Variants in ST8SIA4 observed in about 807,000 individuals in gnomAD.
ST8SIA4 encodes the protein CMP-N-acetylneuraminate-poly-alpha-2,8-sialyltransferase.
Under a neutral mutation model 33.9 loss-of-function variants are expected in ST8SIA4, and 15 were observed. The observed-to-expected ratio is 0.44, with a 90% CI of 0.30 to 0.68. The LOEUF (loss-of-function observed/expected upper bound fraction) is 0.68. Ranked by LOEUF, ST8SIA4 falls within the 30% of genes least tolerant of loss-of-function variation. ST8SIA4 has a pLI of 0.10. For synonymous variants in ST8SIA4, 171 were observed against 151.2 expected, an observed-to-expected ratio of 1.13 and a Z score of -0.96; for missense variants, 321 against 428.0, an observed-to-expected ratio of 0.75 and a Z score of 2.21.
At chr5:100,833,643 A>C (rs967455241) in intron 4 of ST8SIA4, among the ~76,000 whole-genome samples, 3 of 152,086 alleles carry the variant, frequency 2.0e-5, no homozygotes, top group Middle Eastern at 3.4e-3. Context: ...AATCACTTGT[A>C]ATAATGATTG....
At chr5:100,812,537 C>T (rs1561381644) in intron 4 of ST8SIA4, among the ~76,000 whole-genome samples, 2 of 152,032 alleles carry the variant, frequency 1.3e-5, no homozygotes, top group Admixed American at 1.3e-4. Context: ...GAAACTATGC[C>T]TATAGATTTT....
intron 3 of ST8SIA4, among the ~76,000 whole-genome samples, chr5:100,883,943 G>A (rs1752482244): frequency 6.6e-6 from 1 of 152,164 alleles, no homozygotes; most frequent in Non-Finnish European, 1.5e-5. Context: ...GAAGTGCTAA[G>A]GCTATTCTGC....
chr5:100,821,587 T>C (rs1211553963), intron 4 of ST8SIA4, among the ~76,000 whole-genome samples: 3 of 152,194 alleles, frequency 2.0e-5, no homozygotes, highest in Non-Finnish European at 2.9e-5. Flanking sequence ...CCCAGATAGT[T>C]GTGCTAAAAT....
At chr5:100,849,758 G>A (rs1322640499) in intron 4 of ST8SIA4, among the ~76,000 whole-genome samples, 2 of 152,046 alleles carry the variant, frequency 1.3e-5, no homozygotes, top group Non-Finnish European at 2.9e-5. Context: ...TTGCACCACC[G>A]CACTCCAGCC....
chr5:100,823,955 A>C (rs1168104352), intron 4 of ST8SIA4, among the ~76,000 whole-genome samples: 2 of 152,230 alleles, frequency 1.3e-5, no homozygotes, highest in African/African-American at 4.8e-5. Context: ...ATTAACTCAG[A>C]CTTTATAACA....
At chr5:100,815,857 T>A (rs1166982349) in intron 4 of ST8SIA4, among the ~76,000 whole-genome samples, 12 of 152,174 alleles carry the variant, frequency 7.9e-5, no homozygotes, top group Admixed American at 7.9e-4. Context: ...AAGGTTGTAA[T>A]GCTGTAAAAG....
chr5:100,863,799 A>G (rs1328341974), intron 3 of ST8SIA4, among the ~76,000 whole-genome samples: 2 of 152,222 alleles, frequency 1.3e-5, no homozygotes, highest in South Asian at 4.1e-4. Context: ...TCTGATATAA[A>G]GCAATGGATT....
intron 2 of ST8SIA4, among the ~76,000 whole-genome samples, chr5:100,890,264 G>A (rs1752631643): frequency 6.6e-6 from 1 of 151,798 alleles, no homozygotes; most frequent in South Asian, 2.1e-4. Context: ...TAAAAGCTTT[G>A]TGAATTTGCT....
At chr5:100,848,782 C>T (rs1162416410) in intron 4 of ST8SIA4, among the ~76,000 whole-genome samples, 2 of 150,532 alleles carry the variant, frequency 1.3e-5, no homozygotes, top group Non-Finnish European at 3.0e-5. Context: ...TTAATAATTG[C>T]AGAAATCAAA....
At chr5:100,891,309 T>C (rs950085415) in intron 2 of ST8SIA4, among the ~76,000 whole-genome samples, 1 of 151,992 alleles carries the variant, frequency 6.6e-6, no homozygotes, top group Non-Finnish European at 1.5e-5. Context: ...ATTAAGTTAG[T>C]ACTGACCCAG....
intron 4 of ST8SIA4, among the ~76,000 whole-genome samples, chr5:100,831,618 A>T (rs1044910729): frequency 2.6e-5 from 4 of 152,162 alleles, no homozygotes; most frequent in African/African-American, 9.7e-5. Flanking sequence ...ATGCAGAGAC[A>T]CAACTCTTCT....
chr5:100,878,287 C>T (rs1287633148), intron 3 of ST8SIA4, among the ~76,000 whole-genome samples: 1 of 152,064 alleles, frequency 6.6e-6, no homozygotes, highest in African/African-American at 2.4e-5. Context: ...AAGAGATTCT[C>T]CTGCCTCAGC....
Position 100,886,454 on chromosome 5 carries a change from A to G in ST8SIA4, c.392T>C (p.Val131Ala). 3 of 1,613,968 alleles carry G rather than the reference A, an allele frequency of 1.9e-6. No individual in the cohort carries two copies. Among genetic ancestry groups the G allele is most frequent in the Non-Finnish European group, 2.5e-6 (3 of 1,179,864 alleles). ...AAACCTGCGATTCTTCATTGGTGAA[A>G]CTTCAGGTAGGAGGCTATGTAGATC... ...SHDLHSLLPE[V>A]SPMKNRRFKT... Residue 131 changes from valine to alanine, a missense_variant, in exon 3 of 5, where the codon GTT (valine) becomes GCT (alanine). Coordinates refer to ENST00000231461, the MANE Select transcript of ST8SIA4 (RefSeq NM_005668.6).
intron 1 of ST8SIA4, among the ~76,000 whole-genome samples, chr5:100,899,355 G>T (rs1752848130): frequency 6.6e-6 from 1 of 152,214 alleles, no homozygotes; most frequent in Non-Finnish European, 1.5e-5. Flanking sequence ...ATTGTGAAAT[G>T]TGAAATGTGA....
chr5:100,824,289 A>C (rs544713827), intron 4 of ST8SIA4, among the ~76,000 whole-genome samples: 1 of 152,352 alleles, frequency 6.6e-6, no homozygotes, highest in Non-Finnish European at 1.5e-5. Context: ...GCAAGAGAAG[A>C]ATCTAGGGTA....
Position 100,836,731 on chromosome 5 carries a change from T to A in ST8SIA4, c.797+19372A>T, listed in dbSNP as rs78202586. Reference sequence around the variant, plus strand: ...ACGAAATTTAAACAATCAACTTGAATTATTCATAATTTTTAAATTCTAAAA... The same window carrying A: ...ACGAAATTTAAACAATCAACTTGAAATATTCATAATTTTTAAATTCTAAAA... On this transcript the variant is annotated intron_variant, in intron 4 of 4. Transcript: ENST00000231461. 7.1e-3 allele frequency among the ~76,000 whole-genome samples: 1,080 copies of A among 152,102 alleles called. 38 individuals carry two copies. The highest frequency in any genetic ancestry group is 0.051 in the Admixed American group (775 of 15,250).
chr5:100,889,492 T>A (rs968905070), intron 2 of ST8SIA4, among the ~76,000 whole-genome samples: 14 of 151,922 alleles, frequency 9.2e-5, no homozygotes, highest in African/African-American at 3.4e-4. Context: ...AGCTTGGAAA[T>A]CCAAAAGGGA....
chr5:100,817,811 T>G (rs973964156), intron 4 of ST8SIA4, among the ~76,000 whole-genome samples: 1 of 152,152 alleles, frequency 6.6e-6, no homozygotes, highest in Non-Finnish European at 1.5e-5. Context: ...AGACAGACAA[T>G]AAGTGATAGA....
At chr5:100,861,650 A>G (rs1190267185) in intron 3 of ST8SIA4, among the ~76,000 whole-genome samples, 5 of 152,190 alleles carry the variant, frequency 3.3e-5, no homozygotes, top group Non-Finnish European at 5.9e-5. Flanking sequence ...CTTAAACTTT[A>G]AGAAATAAAA....
Sources: allele counts gnomAD v4.1 joint callset (sites outside exome capture counted in the v4.1 genomes callset), GRCh38; gene constraint gnomAD v4.1.1; transcripts MANE v1.5; gene names NCBI Gene and HGNC (gene_info 2026-07-23, HGNC 2026-07-21).